The following CNTNAP4 variants were observed in gnomAD, a reference collection of about 807,000 sequenced individuals.
The protein encoded by CNTNAP4 is contactin-associated protein-like 4.
Under a neutral mutation model 148.4 loss-of-function variants are expected in CNTNAP4, and 98 were observed. That is an observed-to-expected ratio of 0.66 (90% CI 0.56 to 0.78). The LOEUF (loss-of-function observed/expected upper bound fraction) is 0.78. Ranked by LOEUF, CNTNAP4 falls within the 30% of genes least tolerant of loss-of-function variation. The pLI is 0.00. For missense variants in CNTNAP4, 1,935 were observed against 1,565.6 expected, an observed-to-expected ratio of 1.24 and a Z score of -3.98; for synonymous variants, 730 against 565.1, an observed-to-expected ratio of 1.29 and a Z score of -4.14.
intron 1 of CNTNAP4, among the ~76,000 whole-genome samples, chr16:76,307,503 CAT>C (rs6145898): frequency 0.071 from 6,525 of 91,522 alleles, 336 homozygotes; most frequent in East Asian, 0.32. Context: ...ATTTTAAATG[CAT>C]ATATATATAT....
chr16:76,395,553 C>T lies in CNTNAP4; in HGVS notation c.391-31899C>T, dbSNP rs150180929. On this transcript the variant is annotated intron_variant, in intron 3 of 23. Transcript: ENST00000611870. ...TGCTGGTATTACAGGCGTGAGCCAC[C>T]GCGCCCGGCCAAAGATTCTTAAAAT... Among the ~76,000 whole-genome samples the T allele has an allele frequency of 6.4e-4, 97 of 151,608 alleles. 1 individual carries two copies. The East Asian group carries it at 0.014, about 22-fold the overall frequency.
chr16:76,408,134 A>G (rs1054848836), intron 3 of CNTNAP4, among the ~76,000 whole-genome samples: 46 of 152,250 alleles, frequency 3.0e-4, no homozygotes, highest in Non-Finnish European at 3.1e-4. Flanking sequence ...TACACTTACT[A>G]AAATATAAAG....
chr16:76,476,074 C>T, intron 11 of CNTNAP4, 29 bp downstream of exon 11: 2 of 1,472,344 alleles, frequency 1.4e-6, no homozygotes, highest in Non-Finnish European at 1.9e-6. Flanking sequence ...CTTTTTCTTG[C>T]CCCTGTGATG....
chr16:76,528,877 C>T (rs1170872478), intron 17 of CNTNAP4, among the ~76,000 whole-genome samples: 1 of 152,206 alleles, frequency 6.6e-6, no homozygotes, highest in East Asian at 1.9e-4. Context: ...TAGCCTACAT[C>T]ACCCGAGCAA....
At chr16:76,492,399 G>A (rs542583442) in intron 13 of CNTNAP4, among the ~76,000 whole-genome samples, 5 of 152,172 alleles carry the variant, frequency 3.3e-5, no homozygotes, top group Non-Finnish European at 5.9e-5. Context: ...ATTTTACTGC[G>A]AAGCTGAAAA....
At chr16:76,435,796 G>A (rs935176585) in intron 4 of CNTNAP4, among the ~76,000 whole-genome samples, 1 of 152,078 alleles carries the variant, frequency 6.6e-6, no homozygotes, top group African/African-American at 2.4e-5. Context: ...AAGCAAATAA[G>A]CTGTTAGAAC....
chr16:76,453,115 T>C (rs1424978161), intron 8 of CNTNAP4, among the ~76,000 whole-genome samples: 1 of 152,196 alleles, frequency 6.6e-6, no homozygotes, highest in East Asian at 1.9e-4. Context: ...TAAGTGTTCT[T>C]CAATGGAAAA....
intron 16 of CNTNAP4, among the ~76,000 whole-genome samples, chr16:76,521,814 AT>A (rs56833949): frequency 1 from 151,314 of 152,000 alleles, 75,320 homozygotes; most frequent in Middle Eastern, 1. Context: ...TTAGAATACC[AT>A]TTTTTTTTCA....
rs565480324 is a variant in CNTNAP4, at chr16:76,415,951, C to T, written c.391-11501C>T. On this transcript the variant is annotated intron_variant, in intron 3 of 23. Coordinates refer to ENST00000611870, the MANE Select transcript of CNTNAP4 (RefSeq NM_033401.5). The stretch of plus-strand genomic sequence containing the variant: ...GTTTGTTTTTTTTTTTTAACTCTGT[C>T]TTATTTTTGTCAATTATTCATTCTT... Among the ~76,000 whole-genome samples the T allele has an allele frequency of 2.2e-5, 3 of 135,962 alleles. No individual in the cohort carries two copies. The Admixed American group carries it at 2.2e-4, about 10-fold the overall frequency. The allele number at this position is 135,962 out of a possible 152,430, so 89.2% of individuals were successfully genotyped here.
chr16:76,500,686 A>G (rs181347953), intron 15 of CNTNAP4, among the ~76,000 whole-genome samples: 8 of 151,778 alleles, frequency 5.3e-5, no homozygotes, highest in South Asian at 2.1e-4. Context: ...GCTGTTTTGC[A>G]TATGCAATGC....
At chr16:76,479,358 A>C in intron 11 of CNTNAP4, 61 bp from the exon 12 acceptor site, 1 of 1,435,042 alleles carries the variant, frequency 7.0e-7, no homozygotes, top group Middle Eastern at 1.8e-4. Context: ...TTCATGTCCA[A>C]ATTAAAAGTT....
At position 76,418,969 on chromosome 16, in the gene CNTNAP4, C is replaced by T. The variant is rs187528712; in HGVS notation, c.391-8483C>T. 1.2e-3 allele frequency among the ~76,000 whole-genome samples: 182 copies of T among 151,990 alleles called. 2 individuals are homozygous for T. The East Asian group carries it at 0.026, about 22-fold the overall frequency. ...TTTTGACTTAAATTCTCTTCAGAGG[C>T]GGTCTTTGTTTTTTAAGTCTTTCAA... is the stretch of plus-strand genomic sequence containing the variant. On this transcript the variant is annotated intron_variant, in intron 3 of 23. Transcript: ENST00000611870.
intron 12 of CNTNAP4, among the ~76,000 whole-genome samples, chr16:76,485,437 G>A (rs994126142): frequency 1.3e-5 from 2 of 152,198 alleles, no homozygotes; most frequent in African/African-American, 4.8e-5. Context: ...TTTCTATAAT[G>A]AAATTGTTTT....
At chr16:76,452,853 A>T in intron 8 of CNTNAP4, 84 bp downstream of exon 8, 1 of 1,226,268 alleles carries the variant, frequency 8.2e-7, no homozygotes, top group East Asian at 2.6e-5. Context: ...CATAACCAAA[A>T]ATGTAATATT....
intron 17 of CNTNAP4, among the ~76,000 whole-genome samples, chr16:76,533,392 A>G (rs1188624261): frequency 6.6e-6 from 1 of 152,186 alleles, no homozygotes; most frequent in Non-Finnish European, 1.5e-5. Flanking sequence ...ACAGCTAGAC[A>G]GGAGGAAAAA....
intron 2 of CNTNAP4, among the ~76,000 whole-genome samples, chr16:76,327,294 A>G (rs1450717023): frequency 6.6e-6 from 1 of 152,190 alleles, no homozygotes; most frequent in Non-Finnish European, 1.5e-5. Flanking sequence ...TTACAAGATA[A>G]CATGTGGTAT....
rs1348313026 is a variant in CNTNAP4, at chr16:76,452,677, T to C, written c.1241T>C (p.Leu414Pro). Residue 414 changes from leucine to proline, a missense_variant, in exon 8 of 24, where the codon CTG becomes CCG. By Grantham distance (98) the Leu-to-Pro change is moderately conservative. Coordinates refer to ENST00000611870, the MANE Select transcript of CNTNAP4 (RefSeq NM_033401.5). ...AGLLLFSELQ[L>P]ISGGILLFLS... ...CTTCTGCTGTTCAGTGAACTTCAGC[T>C]GATTTCAGGGGGTATCCTCCTCTTT... is the stretch of plus-strand genomic sequence containing the variant. The C allele has an allele frequency of 1.9e-6, 3 of 1,613,842 alleles. No homozygotes were observed. In the South Asian group the frequency reaches 3.3e-5, roughly 18 times the overall value.
chr16:76,535,867 T>A, intron 18 of CNTNAP4, 83 bp downstream of exon 18: 1 of 1,446,224 alleles, frequency 6.9e-7, no homozygotes, highest in Non-Finnish European at 9.2e-7. Flanking sequence ...ATGCAGCTAT[T>A]TGAAACAAAA....
At chr16:76,425,543 C>G (rs1448539573) in intron 3 of CNTNAP4, among the ~76,000 whole-genome samples, 74 of 151,856 alleles carry the variant, frequency 4.9e-4, no homozygotes. Flanking sequence ...AAGAGAAATC[C>G]CTCTTAAAAT....
Sources: gnomAD v4.1 joint callset for allele counts (sites outside exome capture counted in the v4.1 genomes callset) on GRCh38, gnomAD v4.1.1 for gene constraint, MANE v1.5 for transcripts, NCBI Gene and HGNC (gene_info 2026-07-23, HGNC 2026-07-21) for gene names.